The following WWOX variants were observed in gnomAD, a reference collection of about 807,000 sequenced individuals.
The protein encoded by WWOX is WW domain-containing oxidoreductase.
A neutral mutation model predicts 46.2 loss-of-function variants in WWOX; 69 were observed. That is an observed-to-expected ratio of 1.49 (90% CI 1.23 to 1.82). The LOEUF is 1.82. Among genes scored for constraint, WWOX ranks in the 40% most tolerant of loss-of-function variants. WWOX has a pLI of 0.00. For synonymous variants in WWOX, 359 were observed against 202.6 expected (o/e 1.77, Z -6.56); for missense variants, 919 against 542.6 (o/e 1.69, Z -6.89).
chr16:78,652,484 G>A (rs999988373), intron 8 of WWOX, among the ~76,000 whole-genome samples: 4 of 149,972 alleles, frequency 2.7e-5, no homozygotes, highest in Non-Finnish European at 5.9e-5. Flanking sequence ...AAATACAATT[G>A]AGGACTCTAT....
At chr16:78,757,710 C>A (rs2049689840) in intron 8 of WWOX, among the ~76,000 whole-genome samples, 1 of 150,786 alleles carries the variant, frequency 6.6e-6, no homozygotes. Flanking sequence ...TAAATAAATC[C>A]ATTTTTATTT....
intron 8 of WWOX, among the ~76,000 whole-genome samples, chr16:78,443,678 A>G (rs1042647665): frequency 2.0e-5 from 3 of 152,194 alleles, no homozygotes; most frequent in Non-Finnish European, 4.4e-5. Flanking sequence ...ACATTTAACC[A>G]AGATTTGCAA....
chr16:78,269,830 C>A (rs115803728), intron 5 of WWOX, among the ~76,000 whole-genome samples: 1 of 151,870 alleles, frequency 6.6e-6, no homozygotes, highest in African/African-American at 2.4e-5. Context: ...CACACACACA[C>A]AGTTTTCCAG....
intron 8 of WWOX, among the ~76,000 whole-genome samples, chr16:78,783,358 C>T (rs2050376816): frequency 1.3e-5 from 2 of 152,202 alleles, no homozygotes; most frequent in African/African-American, 4.8e-5. Flanking sequence ...TGGAGAGGGC[C>T]TACAGGGCCA....
chr16:79,018,342 A>C (rs769845688), intron 8 of WWOX, among the ~76,000 whole-genome samples: 1 of 152,224 alleles, frequency 6.6e-6, no homozygotes, highest in Admixed American at 6.5e-5. Flanking sequence ...TTTGGAGCCA[A>C]AGCCAAATAG....
At chr16:78,979,049 A>G (rs1206335977) in intron 8 of WWOX, among the ~76,000 whole-genome samples, 1 of 149,972 alleles carries the variant, frequency 6.7e-6, no homozygotes, top group African/African-American at 2.4e-5. Context: ...CTTTACGGCC[A>G]GGTCTCCTTC....
chr16:79,036,358 C>T (rs118165926), intron 8 of WWOX, among the ~76,000 whole-genome samples: 2,144 of 152,320 alleles, frequency 0.014, 21 homozygotes, highest in South Asian at 0.031. Context: ...TTAGACAGTA[C>T]CCTTTATGTT....
At chr16:78,633,770 C>A (rs1463154534) in intron 8 of WWOX, among the ~76,000 whole-genome samples, 1 of 152,202 alleles carries the variant, frequency 6.6e-6, no homozygotes, top group Admixed American at 6.5e-5. Context: ...CAAGAGGACT[C>A]CAGGCTGTGG....
chr16:78,297,902 C>T (rs1240131111), intron 5 of WWOX, among the ~76,000 whole-genome samples: 1 of 152,136 alleles, frequency 6.6e-6, no homozygotes, highest in Non-Finnish European at 1.5e-5. Flanking sequence ...CCACCCAAAT[C>T]TCATCTTGAA....
intron 8 of WWOX, among the ~76,000 whole-genome samples, chr16:78,674,088 G>A (rs2047530568): frequency 6.6e-6 from 1 of 152,018 alleles, no homozygotes; most frequent in African/African-American, 2.4e-5. Flanking sequence ...AAACTTCATG[G>A]AATTTTGCTA....
intron 5 of WWOX, among the ~76,000 whole-genome samples, chr16:78,383,577 C>G (rs1353342331): frequency 6.6e-6 from 1 of 152,150 alleles, no homozygotes; most frequent in Non-Finnish European, 1.5e-5. Context: ...CCACTACCTT[C>G]TTATTTAGAG....
chr16:78,357,813 G>C (rs1416743749), intron 5 of WWOX, among the ~76,000 whole-genome samples: 1 of 152,116 alleles, frequency 6.6e-6, no homozygotes, highest in Non-Finnish European at 1.5e-5. Flanking sequence ...CCCGATCCCT[G>C]GGAGTTTGGT....
At chr16:78,968,603 G>A (rs1270786658) in intron 8 of WWOX, among the ~76,000 whole-genome samples, 1 of 152,158 alleles carries the variant, frequency 6.6e-6, no homozygotes, top group Non-Finnish European at 1.5e-5. Context: ...TTTTCCCAAG[G>A]ACCCTGTTGA....
intron 5 of WWOX, among the ~76,000 whole-genome samples, chr16:78,385,982 A>G (rs968825247): frequency 6.6e-6 from 1 of 152,224 alleles, no homozygotes; most frequent in South Asian, 2.1e-4. Flanking sequence ...TTGTCCTTGC[A>G]GAATGATGCC....
chr16:79,057,867 T>C (rs1395112518), intron 8 of WWOX, among the ~76,000 whole-genome samples: 1 of 152,212 alleles, frequency 6.6e-6, no homozygotes, highest in Non-Finnish European at 1.5e-5. Flanking sequence ...ATCTGAATTA[T>C]TTCCATATCC....
chr16:78,226,421 T>C (rs376833780), intron 5 of WWOX, among the ~76,000 whole-genome samples: 1 of 151,970 alleles, frequency 6.6e-6, no homozygotes, highest in African/African-American at 2.4e-5. Context: ...TAGAAAATAT[T>C]AGAAAGAAGA....
intron 8 of WWOX, among the ~76,000 whole-genome samples, chr16:78,521,389 G>A (rs963532574): frequency 1.3e-5 from 2 of 151,984 alleles, no homozygotes; most frequent in Admixed American, 6.5e-5. Flanking sequence ...TGTGTGGGTG[G>A]GTGGTGATGG....
intron 8 of WWOX, among the ~76,000 whole-genome samples, chr16:78,952,919 C>G (rs2046091056): frequency 6.6e-6 from 1 of 152,130 alleles, no homozygotes; most frequent in Admixed American, 6.5e-5. Context: ...AAAGGGAAAC[C>G]TGAAGCTGGC....
At chr16:78,304,730 A>G (rs923982463) in intron 5 of WWOX, among the ~76,000 whole-genome samples, 1 of 152,218 alleles carries the variant, frequency 6.6e-6, no homozygotes, top group African/African-American at 2.4e-5. Flanking sequence ...CATAATGGGC[A>G]ACCTTGTACA....
Sources: allele counts gnomAD v4.1 joint callset (sites outside exome capture counted in the v4.1 genomes callset), GRCh38; gene constraint gnomAD v4.1.1; transcripts MANE v1.5; gene names NCBI Gene and HGNC (gene_info 2026-07-23, HGNC 2026-07-21).